Variants in SRRM1 observed in about 807,000 individuals in gnomAD.
The protein encoded by SRRM1 is serine/arginine repetitive matrix protein 1.
SRRM1 carries 19 observed loss-of-function variants against 110.2 expected under a neutral mutation model. The observed-to-expected ratio is 0.17, with a 90% CI of 0.12 to 0.25. SRRM1 has a LOEUF of 0.25. Ranked by LOEUF, SRRM1 falls within the 10% of genes least tolerant of loss-of-function variation. SRRM1 has a pLI of 1.00. For missense variants in SRRM1, 918 were observed against 1,145.8 expected (o/e 0.80, Z 2.87); for synonymous variants, 443 against 414.9 (o/e 1.07, Z -0.82).
chr1:24,647,135 T>C (rs1658099955), intron 3 of SRRM1: 1 of 175,652 alleles, frequency 5.7e-6, no homozygotes, highest in Non-Finnish European at 1.2e-5. Flanking sequence ...CATCACCTTA[T>C]TAGGTCACAG....
chr1:24,649,291 T>C (rs528933004), intron 4 of SRRM1, among the ~76,000 whole-genome samples: 2 of 152,336 alleles, frequency 1.3e-5, no homozygotes, highest in South Asian at 4.1e-4. Flanking sequence ...AATTTGAATT[T>C]AACACTGAAA....
At chr1:24,648,802 T>TGTTG (rs1484630172) in intron 3 of SRRM1, 57 bp from the exon 4 acceptor site, 17 of 1,527,938 alleles carry the variant, frequency 1.1e-5, no homozygotes, top group Non-Finnish European at 1.4e-5. Flanking sequence ...TTGGTTGATT[T>TGTTG]GTTGGTTGGT....
At chr1:24,643,373 G>T in intron 1 of SRRM1, 26 bp downstream of exon 1, 1 of 1,546,714 alleles carries the variant, frequency 6.5e-7, no homozygotes, top group Non-Finnish European at 8.7e-7. Flanking sequence ...GGGCGCCGGG[G>T]TGAGGCCAGG....
intron 12 of SRRM1, among the ~76,000 whole-genome samples, chr1:24,664,585 A>G (rs1425084288): frequency 2.0e-5 from 3 of 152,168 alleles, no homozygotes; most frequent in Non-Finnish European, 4.4e-5. Flanking sequence ...TTTGTAGCTC[A>G]GTTTTTGAAG....
At chr1:24,661,072 A>T in intron 10 of SRRM1, 1 of 527,730 alleles carries the variant, frequency 1.9e-6, no homozygotes, top group Non-Finnish European at 3.4e-6. Context: ...TCTGCTTGTA[A>T]AATGCTTGGC....
At chr1:24,662,554 C>T (rs1667813646) in intron 11 of SRRM1, 106 bp from the exon 12 acceptor site, 1 of 1,044,572 alleles carries the variant, frequency 9.6e-7, no homozygotes, top group South Asian at 1.5e-5. Flanking sequence ...GGCCTGTATA[C>T]ATGCTTGCTT....
rs570255206 is a variant in SRRM1, at chr1:24,667,386, G to A, written c.1739+461G>A. Among the ~76,000 whole-genome samples, 3 of 152,268 alleles carry A rather than the reference G, an allele frequency of 2.0e-5. No homozygotes were observed. In the South Asian group the frequency reaches 6.2e-4, roughly 32 times the overall value. On this transcript the variant is annotated intron_variant, in intron 13 of 16. Transcript: ENST00000323848. The stretch of plus-strand genomic sequence containing the variant: ...AAAGATGTTAATACATTAAAAGATG[G>A]TATTGACTAGTAATTGTAAAGAGAA...
chr1:24,665,049 C>G (rs1331832479), intron 12 of SRRM1, among the ~76,000 whole-genome samples: 1 of 152,122 alleles, frequency 6.6e-6, no homozygotes, highest in Non-Finnish European at 1.5e-5. Flanking sequence ...AAGTTTAATG[C>G]CATTAGAAAT....
At chr1:24,646,639 G>T in intron 2 of SRRM1, 28 bp from the exon 3 acceptor site, 1 of 1,543,652 alleles carries the variant, frequency 6.5e-7, no homozygotes, top group Non-Finnish European at 8.7e-7. Flanking sequence ...TTGTGAAGTT[G>T]TACTTAATTG....
rs1344113148 is a variant in SRRM1 at position 24,655,542 on chromosome 1, C to T, written c.1315+413C>T. Among the ~76,000 whole-genome samples the T allele has an allele frequency of 5.3e-5, 8 of 152,078 alleles. No individual in the cohort carries two copies. In the East Asian group the frequency reaches 1.5e-3, roughly 29 times the overall value. On this transcript the variant is annotated intron_variant, in intron 9 of 16. Transcript: ENST00000323848. The stretch of plus-strand genomic sequence containing the variant: ...TTCTCTTTTAGTTCTTTCTTGGTCG[C>T]ATTGCGCTCCCAAGCAAAGGACATG...
At chr1:24,660,454 C>A (rs1308084876) in intron 9 of SRRM1, among the ~76,000 whole-genome samples, 1 of 152,124 alleles carries the variant, frequency 6.6e-6, no homozygotes, top group Admixed American at 6.6e-5. Flanking sequence ...TTCATAAATT[C>A]TTTTTGAGAG....
At chr1:24,663,125 C>A in intron 12 of SRRM1, 2 of 1,421,090 alleles carry the variant, frequency 1.4e-6, no homozygotes, top group South Asian at 1.4e-5. Flanking sequence ...TTAATCCACC[C>A]AAGTAAATAA....
intron 6 of SRRM1, 69 bp from the exon 7 acceptor site, chr1:24,652,365 A>G: frequency 1.1e-5 from 12 of 1,117,120 alleles, no homozygotes; most frequent in Non-Finnish European, 1.3e-5. Context: ...TTATTACATC[A>G]TTGTGTAATG....
rs1209048174 is a variant in SRRM1, at chr1:24,644,503, G to A, written c.21+1156G>A. ...GGAAGGGAGGAGGGCCAGAACTTTA[G>A]TAAAAATATCTTTGGACACTCCGAA... On this transcript the variant is annotated intron_variant, in intron 1 of 16. Transcript: ENST00000323848. 2.0e-5 allele frequency among the ~76,000 whole-genome samples: 3 copies of A among 152,332 alleles called. No individual in the cohort carries two copies. The East Asian group carries it at 5.8e-4, about 29-fold the overall frequency.
chr1:24,660,866 A>G, intron 10 of SRRM1, 67 bp downstream of exon 10: 3 of 1,215,396 alleles, frequency 2.5e-6, no homozygotes, highest in Non-Finnish European at 3.5e-6. Context: ...GCTGATTTTG[A>G]TTTTTTGCAC....
Position 24,651,581 on chromosome 1 carries a change from G to C in SRRM1, c.694G>C (p.Glu232Gln), listed in dbSNP as rs774873706. The change falls in exon 6 of 17, where the codon GAA becomes CAA. Residue 232 changes from glutamate (E) to glutamine (Q), a missense_variant. Physicochemically the swap from Glu to Gln is conservative, Grantham distance 29. Transcript: ENST00000323848. ...ELPEPSVKVK[E>Q]PSVQEATSTS... is the part of the protein sequence containing the mutation. ...CCCAGAACCTTCAGTGAAAGTAAAA[G>C]AACCTTCAGTACAAGAGGCTACTTC... 6.2e-7 allele frequency: 1 copy of C among 1,613,306 alleles called. No homozygotes were observed. The highest frequency in any genetic ancestry group is 1.1e-5 in the South Asian group (1 of 90,980).
chr1:24,646,864 T>C, intron 3 of SRRM1, 75 bp downstream of exon 3: 1 of 1,258,186 alleles, frequency 7.9e-7, no homozygotes, highest in Non-Finnish European at 1.1e-6. Context: ...GAATTTTTTC[T>C]ATGGAGTGCA....
intron 5 of SRRM1, 151 bp from the exon 6 acceptor site, chr1:24,651,258 A>G: frequency 1.6e-6 from 1 of 628,566 alleles, no homozygotes; most frequent in East Asian, 2.8e-5. Context: ...TTCCCTGTCA[A>G]GTAGATTAGG....
chr1:24,671,661 T>G, intron 16 of SRRM1, 66 bp downstream of exon 16: 1 of 1,425,334 alleles, frequency 7.0e-7, no homozygotes, highest in South Asian at 1.4e-5. Flanking sequence ...CATTTTGTTT[T>G]GAGAAGTAGC....
Sources: gnomAD v4.1 joint callset for allele counts (sites outside exome capture counted in the v4.1 genomes callset) on GRCh38, gnomAD v4.1.1 for gene constraint, MANE v1.5 for transcripts, NCBI Gene and HGNC (gene_info 2026-07-23, HGNC 2026-07-21) for gene names.